RGS12: variants seen among roughly 807,000 people sequenced by gnomAD.
RGS12 encodes the protein regulator of G-protein signaling 12.
RGS12 carries 66 observed loss-of-function variants against 120.1 expected under a neutral mutation model. That is an observed-to-expected ratio of 0.55 (90% CI 0.45 to 0.67). The LOEUF (loss-of-function observed/expected upper bound fraction) is 0.67, where lower values mean the gene tolerates loss of function less well. RGS12 is among the 30% of genes least tolerant of loss of function. The probability of loss-of-function intolerance (pLI) is 0.00; values close to 1 mark genes in which losing one functional copy is unlikely to be tolerated. For synonymous variants in RGS12, 827 were observed against 804.7 expected (o/e 1.03, Z -0.47); for missense variants, 1,859 against 1,957.7 (o/e 0.95, Z 0.95).
intron 7 of RGS12, 52 bp downstream of exon 7, chr4:3,416,173 A>C (rs746633238): frequency 1.9e-6 from 3 of 1,598,790 alleles, no homozygotes. Flanking sequence ...GGCTCGGGGT[A>C]TAGGGTCCAC....
chr4:3,301,556 C>T (rs563073804), intron 1 of RGS12, among the ~76,000 whole-genome samples: 2 of 152,122 alleles, frequency 1.3e-5, no homozygotes, highest in Admixed American at 1.3e-4. Flanking sequence ...GAGAGGCCCG[C>T]CAGGGCCAGG....
intron 4 of RGS12, among the ~76,000 whole-genome samples, chr4:3,391,147 T>C (rs752764540): frequency 2.6e-5 from 4 of 152,242 alleles, no homozygotes; most frequent in Non-Finnish European, 4.4e-5. Flanking sequence ...TGATTTAATA[T>C]GTCACATTCT....
chr4:3,426,358 G>A (rs1037517331), intron 14 of RGS12, among the ~76,000 whole-genome samples: 1 of 151,586 alleles, frequency 6.6e-6, no homozygotes, highest in Non-Finnish European at 1.5e-5. Context: ...GCCCAGGGGA[G>A]GGGGAGGCTT....
chr4:3,379,889 C>T (rs1718089099), intron 3 of RGS12, among the ~76,000 whole-genome samples: 1 of 152,136 alleles, frequency 6.6e-6, no homozygotes, highest in Admixed American at 6.5e-5. Context: ...TCGTTCCACC[C>T]CTGACCCCTC....
chr4:3,375,270 TCCAGCC>T (rs1451809305), intron 3 of RGS12, among the ~76,000 whole-genome samples: 1 of 140,434 alleles, frequency 7.1e-6, no homozygotes. Context: ...AGCCCTCATC[TCCAGCC>T]TCATCTCCAG....
At chr4:3,308,854 C>T (rs564419669) in intron 1 of RGS12, among the ~76,000 whole-genome samples, 178 of 152,400 alleles carry the variant, frequency 1.2e-3, no homozygotes, top group Non-Finnish European at 1.7e-3. Context: ...CCCGGGTTAC[C>T]TGTGCCCTCC....
chr4:3,415,888 T>A, intron 6 of RGS12, 90 bp from the exon 7 acceptor site: 1 of 1,417,528 alleles, frequency 7.1e-7, no homozygotes, highest in Non-Finnish European at 9.6e-7. Context: ...AGAACACATC[T>A]GTAGAGCCCG....
intron 2 of RGS12, among the ~76,000 whole-genome samples, chr4:3,337,189 A>G (rs935556307): frequency 6.6e-6 from 1 of 152,118 alleles, no homozygotes; most frequent in Admixed American, 6.6e-5. Context: ...CTATAAAACA[A>G]CTGCCACCAC....
intron 6 of RGS12, 125 bp from the exon 7 acceptor site, chr4:3,415,853 C>A: frequency 1.1e-6 from 1 of 934,204 alleles, no homozygotes; most frequent in Non-Finnish European, 1.6e-6. Context: ...TTTATTCAAG[C>A]AAGAGGTATT....
At chr4:3,369,943 A>ATT in intron 3 of RGS12, 3 of 1,026,818 alleles carry the variant, frequency 2.9e-6, no homozygotes, top group Non-Finnish European at 3.6e-6. Flanking sequence ...AAAAAAACAA[A>ATT]TTCTCTGCAG....
upstream of RGS12, among the ~76,000 whole-genome samples, chr4:3,289,295 C>T (rs1199432267): frequency 6.6e-6 from 1 of 152,066 alleles, no homozygotes. Context: ...CCTCACTTCT[C>T]AGGCTCAAGT....
At chr4:3,289,813 A>G (rs540469182), upstream of RGS12, among the ~76,000 whole-genome samples, 26 of 152,254 alleles carry the variant, frequency 1.7e-4, no homozygotes, top group Admixed American at 1.4e-3. Flanking sequence ...TGTCTCCCCA[A>G]TTCCTACCCA....
intron 4 of RGS12, among the ~76,000 whole-genome samples, chr4:3,387,955 C>T (rs1719024582): frequency 1.3e-5 from 2 of 152,234 alleles, no homozygotes; most frequent in African/African-American, 4.8e-5. Flanking sequence ...AAAACCTGCA[C>T]CTCCCAAGGG....
chr4:3,411,292 G>A lies in RGS12; in HGVS notation c.2021-2780G>A, dbSNP rs983774480. On this transcript the variant is annotated intron_variant, in intron 4 of 17. Transcript: ENST00000336727. ...TCTGTTGTGTCCTGCAGGTGACACC[G>A]ATGCTGTCCCCTGCGTGTTCGGGAT... is the stretch of plus-strand genomic sequence containing the variant. Among the ~76,000 whole-genome samples, 4 of 143,916 alleles carry A rather than the reference G, an allele frequency of 2.8e-5. No homozygotes were observed. In the Admixed American group the frequency reaches 2.8e-4, roughly 10 times the overall value. The allele number at this position is 143,916 out of a possible 152,430, so 94.4% of individuals were successfully genotyped here. A position where few individuals can be genotyped will look rare whatever the true frequency, so the allele number is the denominator to read the frequency against.
At chr4:3,431,662 T>C (rs1207510257) in intron 17 of RGS12, 5 of 985,684 alleles carry the variant, frequency 5.1e-6, no homozygotes, top group Non-Finnish European at 6.0e-6. Flanking sequence ...CAGCAGCCGG[T>C]AGGGAAAGGT....
intron 14 of RGS12, among the ~76,000 whole-genome samples, chr4:3,427,276 A>G (rs1033650539): frequency 2.0e-5 from 3 of 152,184 alleles, no homozygotes; most frequent in African/African-American, 7.2e-5. Context: ...GTTTGTGTAC[A>G]GGCAAGTCCT....
At position 3,374,190 on chromosome 4, in the gene RGS12, C is replaced by T. The variant is rs1717373758; in HGVS notation, c.1999-12226C>T. On this transcript the variant is annotated intron_variant, in intron 3 of 17. Coordinates refer to ENST00000336727, the MANE Select transcript of RGS12 (RefSeq NM_001394154.1). The surrounding 1 kb of genome is among the most constrained non-coding windows in gnomAD (Gnocchi z 6.3). ...GTTCCTTGCAACGCTTGCCATCCTA[C>T]GCATGATGCAGGGACCCCGGCCCTC... Among the ~76,000 whole-genome samples, 1 of 152,266 alleles carries T rather than the reference C, an allele frequency of 6.6e-6. No homozygotes were observed. Among genetic ancestry groups the T allele is most frequent in the Admixed American group, 6.5e-5 (1 of 15,292 alleles).
At chr4:3,384,405 C>T (rs1438393104) in intron 3 of RGS12, among the ~76,000 whole-genome samples, 4 of 152,210 alleles carry the variant, frequency 2.6e-5, no homozygotes, top group Admixed American at 6.5e-5. Flanking sequence ...CCACTCACCT[C>T]GGCTTCCCAA....
intron 3 of RGS12, among the ~76,000 whole-genome samples, chr4:3,373,587 A>G (rs1717290799): frequency 6.6e-6 from 1 of 152,198 alleles, no homozygotes; most frequent in African/African-American, 2.4e-5. Flanking sequence ...TCGTGTGCCC[A>G]TGCTCCTTTG....
Sources: gnomAD v4.1 joint callset for allele counts (sites outside exome capture counted in the v4.1 genomes callset) on GRCh38, gnomAD v4.1.1 for gene constraint, Gnocchi (gnomAD v3.1) non-coding constraint, MANE v1.5 for transcripts, NCBI Gene and HGNC (gene_info 2026-07-23, HGNC 2026-07-21) for gene names.